The following DNAJC6 variants were observed in gnomAD, a reference collection of about 807,000 sequenced individuals.
DNAJC6 encodes the protein auxilin.
In DNAJC6, 34 loss-of-function variants were observed where a neutral mutation model predicts 110.0. The observed-to-expected ratio is 0.31, with a 90% CI of 0.24 to 0.41. DNAJC6 has a LOEUF of 0.41. DNAJC6 is among the 10% of genes least tolerant of loss of function. The pLI, the probability that DNAJC6 is intolerant of heterozygous loss-of-function variation, is 1.00. For missense variants in DNAJC6, 1,031 were observed against 1,207.8 expected, an observed-to-expected ratio of 0.85 and a Z score of 2.17; for synonymous variants, 406 against 437.2, an observed-to-expected ratio of 0.93 and a Z score of 0.89.
At chr1:65,277,398 A>G (rs947513207) in intron 1 of DNAJC6, among the ~76,000 whole-genome samples, 1 of 152,152 alleles carries the variant, frequency 6.6e-6, no homozygotes, top group African/African-American at 2.4e-5. Context: ...CTCCATTCAA[A>G]TGTTTTAATA....
intron 1 of DNAJC6, among the ~76,000 whole-genome samples, chr1:65,312,045 G>C (rs1039702692): frequency 6.6e-6 from 1 of 152,306 alleles, no homozygotes; most frequent in Admixed American, 6.5e-5. Context: ...TTAATAGGTG[G>C]AGAGAAGAAT....
intron 1 of DNAJC6, among the ~76,000 whole-genome samples, chr1:65,355,380 G>A (rs987175723): frequency 3.9e-5 from 6 of 152,038 alleles, no homozygotes; most frequent in Admixed American, 1.3e-4. Flanking sequence ...GGTCTTGGAT[G>A]CCTATGCTTC....
chr1:65,385,727 G>C lies in DNAJC6; in HGVS notation c.816G>C (p.Met272Ile). The C allele has an allele frequency of 6.2e-7, 1 of 1,610,680 alleles. No homozygotes were observed. The highest frequency in any genetic ancestry group is 8.5e-7 in the Non-Finnish European group (1 of 1,177,488). ...SPSHRRYLGY[M>I]CDLLADKPYR... The stretch of plus-strand genomic sequence containing the variant: ...TCTGTTTCAGATACCTGGGCTATAT[G>C]TGTGACCTACTGGCAGACAAGCCCT... The change falls in exon 7 of 19, where the codon ATG (methionine) becomes ATC (isoleucine). Residue 272 changes from methionine to isoleucine, a missense_variant. By Grantham distance (10) the Met-to-Ile change is conservative. Transcript: ENST00000371069.
intron 1 of DNAJC6, among the ~76,000 whole-genome samples, chr1:65,303,545 C>A (rs1162257412): frequency 6.9e-6 from 1 of 144,934 alleles, no homozygotes; most frequent in Non-Finnish European, 1.5e-5. Context: ...CTTCCATGCG[C>A]CTCATTTGAT....
intron 13 of DNAJC6, among the ~76,000 whole-genome samples, chr1:65,395,283 A>T (rs1408886413): frequency 1.3e-5 from 2 of 152,204 alleles, no homozygotes; most frequent in Non-Finnish European, 2.9e-5. Context: ...CATTAGAGCT[A>T]CATGGACAGA....
intron 1 of DNAJC6, among the ~76,000 whole-genome samples, chr1:65,314,512 C>T (rs986678531): frequency 2.0e-5 from 3 of 151,742 alleles, no homozygotes; most frequent in Non-Finnish European, 4.4e-5. Flanking sequence ...TTTTTTGAGA[C>T]GGAGTCTCAC....
At chr1:65,383,895 T>C (rs1645846087) in intron 5 of DNAJC6, among the ~76,000 whole-genome samples, 1 of 152,186 alleles carries the variant, frequency 6.6e-6, no homozygotes, top group African/African-American at 2.4e-5. Context: ...AACTATTAAT[T>C]CAACAAGTCC....
intron 1 of DNAJC6, among the ~76,000 whole-genome samples, chr1:65,363,785 C>T: frequency 6.6e-6 from 1 of 152,072 alleles, no homozygotes; most frequent in East Asian, 1.9e-4. Context: ...GTCAATAGTG[C>T]TGAGATTGAG....
At chr1:65,312,777 T>C (rs1645112854) in intron 1 of DNAJC6, among the ~76,000 whole-genome samples, 1 of 152,194 alleles carries the variant, frequency 6.6e-6, no homozygotes, top group Admixed American at 6.5e-5. Context: ...CTCTGCATTA[T>C]TGTTACTCGC....
chr1:65,353,526 AT>A (rs1335943248), intron 1 of DNAJC6, among the ~76,000 whole-genome samples: 1 of 152,202 alleles, frequency 6.6e-6, no homozygotes, highest in Non-Finnish European at 1.5e-5. Context: ...AATATGTTAC[AT>A]CCATTTGACT....
rs201249130 is a variant in DNAJC6, at chr1:65,364,617, T to G, written c.194-18T>G. The G allele has an allele frequency of 0.011, 13,408 of 1,180,114 alleles. 346 individuals carry two copies. Among genetic ancestry groups the G allele is most frequent in the Non-Finnish European group, 0.012 (10,734 of 869,944 alleles). 73.1% of individuals were successfully genotyped at this position (1,180,114 alleles called of 1,614,324 possible). A position where few individuals can be genotyped will look rare whatever the true frequency, so the allele number is the denominator to read the frequency against. ...CCATCACCATTTTTGTTTGTTTGTT[T>G]TTTTTTTTTTTTGGCAGGTGCCTCA... On this transcript the variant is annotated intron_variant, in intron 1 of 18. Coordinates refer to ENST00000371069, the MANE Select transcript of DNAJC6 (RefSeq NM_001256864.2).
intron 4 of DNAJC6, among the ~76,000 whole-genome samples, chr1:65,371,770 G>T (rs1645708577): frequency 6.6e-6 from 1 of 152,164 alleles, no homozygotes; most frequent in Non-Finnish European, 1.5e-5. Flanking sequence ...CTGATGCTAA[G>T]CAAGCCCAGG....
At position 65,302,889 on chromosome 1, in the gene DNAJC6, G is replaced by A. The variant is rs145231090; in HGVS notation, c.-131+37957G>A. 4.8e-3 allele frequency among the ~76,000 whole-genome samples: 734 copies of A among 152,228 alleles called. 4 individuals are homozygous for A. Among genetic ancestry groups the A allele is most frequent in the South Asian group, 0.03 (143 of 4,814 alleles). On this transcript the variant is annotated intron_variant, in intron 1 of 19. Coordinates refer to the DNAJC6 transcript ENST00000263441. The stretch of plus-strand genomic sequence containing the variant: ...TTCCTGCCTTCTATCATGGGATGAT[G>A]CAGCACGAAGGCCCTCACCAGATGT...
Position 65,393,184 on chromosome 1 carries a change from A to G in DNAJC6, c.1903+319A>G, listed in dbSNP as rs577433695. Among the ~76,000 whole-genome samples, 3 of 152,304 alleles carry G rather than the reference A, an allele frequency of 2.0e-5. No individual in the cohort carries two copies. In the South Asian group the frequency reaches 6.2e-4, roughly 32 times the overall value. ...CTGATTGATGAATTATTATTGATAA[A>G]AATAGCTAATATTTATGAGGTATTT... On this transcript the variant is annotated intron_variant, in intron 12 of 18. Transcript: ENST00000371069.
At chr1:65,398,190 T>G (rs1278184247) in intron 13 of DNAJC6, among the ~76,000 whole-genome samples, 1 of 152,190 alleles carries the variant, frequency 6.6e-6, no homozygotes, top group Non-Finnish European at 1.5e-5. Flanking sequence ...ATGATTTATT[T>G]TGAAGCTGTA....
intron 7 of DNAJC6, among the ~76,000 whole-genome samples, chr1:65,386,319 G>A (rs532099291): frequency 6.6e-6 from 1 of 152,206 alleles, no homozygotes; most frequent in Non-Finnish European, 1.5e-5. Flanking sequence ...GCAGGTGCCA[G>A]TGGGTGGTCA....
intron 17 of DNAJC6, 141 bp downstream of exon 17, chr1:65,408,924 G>A: frequency 1.9e-6 from 2 of 1,053,438 alleles, no homozygotes; most frequent in Non-Finnish European, 1.3e-6. Flanking sequence ...CATAAACTAG[G>A]TGGCTTATAA....
intron 17 of DNAJC6, 60 bp downstream of exon 17, chr1:65,408,843 CAT>C: frequency 4.4e-6 from 7 of 1,583,748 alleles, no homozygotes; most frequent in Non-Finnish European, 6.0e-6. Flanking sequence ...GTGATAAAGT[CAT>C]GTGTATGGAG....
intron 4 of DNAJC6, among the ~76,000 whole-genome samples, chr1:65,376,937 T>A (rs1645772214): frequency 6.6e-6 from 1 of 152,040 alleles, no homozygotes; most frequent in South Asian, 2.1e-4. Flanking sequence ...GCCCAGCTAA[T>A]TTTTTGTGTT....
Sources: gnomAD v4.1 joint callset for allele counts (sites outside exome capture counted in the v4.1 genomes callset) on GRCh38, gnomAD v4.1.1 for gene constraint, MANE v1.5 for transcripts, NCBI Gene and HGNC (gene_info 2026-07-23, HGNC 2026-07-21) for gene names.